ZFPM2: variants seen among roughly 807,000 people sequenced by gnomAD.
ZFPM2 encodes zinc finger protein, FOG family member 2, also known as zinc finger protein ZFPM2.
ZFPM2 carries 20 observed loss-of-function variants against 98.6 expected under a neutral mutation model. The observed-to-expected ratio is 0.20, with a 90% CI of 0.14 to 0.29. The LOEUF (loss-of-function observed/expected upper bound fraction) is 0.29, where lower values mean the gene tolerates loss of function less well. Ranked by LOEUF, ZFPM2 falls within the 10% of genes least tolerant of loss-of-function variation. The probability of loss-of-function intolerance (pLI) is 1.00; values close to 1 mark genes in which losing one functional copy is unlikely to be tolerated. For missense variants in ZFPM2, 1,310 were observed against 1,388.6 expected, an observed-to-expected ratio of 0.94 and a Z score of 0.90; for synonymous variants, 518 against 502.7, an observed-to-expected ratio of 1.03 and a Z score of -0.41.
At chr8:105,730,182 A>G (rs1811898192) in intron 5 of ZFPM2, among the ~76,000 whole-genome samples, 1 of 151,694 alleles carries the variant, frequency 6.6e-6, no homozygotes, top group South Asian at 2.1e-4. Context: ...GTTCTTTGTC[A>G]TCCTCCACAG....
intron 1 of ZFPM2, among the ~76,000 whole-genome samples, chr8:105,368,729 G>T (rs1810557966): frequency 6.6e-6 from 1 of 151,932 alleles, no homozygotes; most frequent in African/African-American, 2.4e-5. Context: ...CCTTTTCCTG[G>T]TTTTTGCTCC....
chr8:105,542,381 T>A (rs961961021), intron 3 of ZFPM2, among the ~76,000 whole-genome samples: 4 of 152,314 alleles, frequency 2.6e-5, no homozygotes, highest in Non-Finnish European at 5.9e-5. Context: ...TAAATCGTTT[T>A]GGTTGGCTTT....
chr8:105,400,253 TTTTTA>T (rs1811311126), intron 1 of ZFPM2, among the ~76,000 whole-genome samples: 1 of 151,898 alleles, frequency 6.6e-6, no homozygotes, highest in Non-Finnish European at 1.5e-5. Flanking sequence ...TATTTTTTTA[TTTTTA>T]TTTATTTTAT....
At position 105,644,494 on chromosome 8, in the gene ZFPM2, GTC is replaced by G. The variant is rs370652025; in HGVS notation, c.532+10147_532+10148del. On this transcript the variant is annotated intron_variant, in intron 5 of 7. Coordinates refer to ENST00000407775, the MANE Select transcript of ZFPM2 (RefSeq NM_012082.4). ...CTAACTACCCTGTCTAAAATGCTCT[GTC>G]TCTCTCTCTTTCTGTTTTTCTCTCT... Among the ~76,000 whole-genome samples the G allele has an allele frequency of 1.4e-3, 211 of 151,238 alleles. 1 individual carries two copies. The highest frequency in any genetic ancestry group is 1.6e-3 in the East Asian group (8 of 5,122).
intron 4 of ZFPM2, among the ~76,000 whole-genome samples, chr8:105,603,400 T>G (rs1225205967): frequency 6.6e-6 from 1 of 152,104 alleles, no homozygotes; most frequent in Non-Finnish European, 1.5e-5. Flanking sequence ...TAATGTACAA[T>G]GAAAAATGGT....
chr8:105,638,070 A>G (rs1021938100), intron 5 of ZFPM2, among the ~76,000 whole-genome samples: 1 of 148,322 alleles, frequency 6.7e-6, no homozygotes, highest in African/African-American at 2.5e-5. Flanking sequence ...CTTTGTCCCC[A>G]AACTCTCTCT....
At chr8:105,420,203 AAATAT>A (rs1209664676) in intron 2 of ZFPM2, among the ~76,000 whole-genome samples, 3 of 152,292 alleles carry the variant, frequency 2.0e-5, no homozygotes, top group African/African-American at 7.2e-5. Context: ...TTATGCAGAT[AAATAT>A]AATAAAGTGG....
At chr8:105,705,053 G>C (rs182745704) in intron 5 of ZFPM2, among the ~76,000 whole-genome samples, 1 of 152,006 alleles carries the variant, frequency 6.6e-6, no homozygotes, top group Admixed American at 6.5e-5. Context: ...TATAATTAAG[G>C]GATTATGTTT....
chr8:105,677,944 A>C (rs1810507827), intron 5 of ZFPM2, among the ~76,000 whole-genome samples: 1 of 152,174 alleles, frequency 6.6e-6, no homozygotes, highest in African/African-American at 2.4e-5. Context: ...CCAATGTTGT[A>C]TATTGGAGCT....
intron 4 of ZFPM2, among the ~76,000 whole-genome samples, chr8:105,602,503 T>G (rs13267714): frequency 0.65 from 98,663 of 151,972 alleles, 32,771 homozygotes; most frequent in Middle Eastern, 0.81. Context: ...GATTGCATTA[T>G]CTTCAACCTG....
chr8:105,457,678 T>C (rs557293210), intron 3 of ZFPM2, among the ~76,000 whole-genome samples: 1 of 152,296 alleles, frequency 6.6e-6, no homozygotes, highest in Non-Finnish European at 1.5e-5. Flanking sequence ...TACTCATAGA[T>C]AGAAAATGGT....
At chr8:105,476,465 C>A (rs1813014394) in intron 3 of ZFPM2, among the ~76,000 whole-genome samples, 1 of 152,104 alleles carries the variant, frequency 6.6e-6, no homozygotes, top group East Asian at 1.9e-4. Context: ...CCATCCCCAC[C>A]CCTCCCCAGG....
intron 6 of ZFPM2, among the ~76,000 whole-genome samples, chr8:105,791,907 G>A (rs1419648601): frequency 6.6e-6 from 1 of 152,126 alleles, no homozygotes; most frequent in Non-Finnish European, 1.5e-5. Flanking sequence ...TCTGATGGTA[G>A]TTTATATTTC....
chr8:105,331,353 G>C (rs1447437772), intron 1 of ZFPM2, among the ~76,000 whole-genome samples: 2 of 151,662 alleles, frequency 1.3e-5, no homozygotes, highest in Non-Finnish European at 1.5e-5. Flanking sequence ...GCAGTGGCTG[G>C]ACTGATGAGT....
intron 3 of ZFPM2, among the ~76,000 whole-genome samples, chr8:105,485,289 G>T (rs1334790920): frequency 6.6e-6 from 1 of 150,714 alleles, no homozygotes; most frequent in Non-Finnish European, 1.5e-5. Context: ...GTTACTGCTT[G>T]TTTTTTTTTG....
chr8:105,471,968 C>T (rs1040589988), intron 3 of ZFPM2, among the ~76,000 whole-genome samples: 2 of 152,026 alleles, frequency 1.3e-5, no homozygotes, highest in Non-Finnish European at 2.9e-5. Context: ...CCCAGTGTTT[C>T]AAAAAATGTG....
rs747513789 is a variant in ZFPM2, at chr8:105,803,174, C to G, written c.3092C>G (p.Ser1031Cys). ...GGGTGTGCTGCGCTGAAGAAAGATTCTCTGCCATTGTTGCCCAAAAATCGA... is the reference window on the plus strand; with the variant it reads ...GGGTGTGCTGCGCTGAAGAAAGATTGTCTGCCATTGTTGCCCAAAAATCGA... The part of the protein sequence containing the change: ...SNGCAALKKD[S>C]LPLLPKNRGM... Residue 1031 changes from serine to cysteine, a missense_variant, in exon 8 of 8, where the codon TCT becomes TGT. Physicochemically the swap from Ser to Cys is moderately radical, Grantham distance 112. Transcript: ENST00000407775. 5 of 1,613,758 alleles carry G rather than the reference C, an allele frequency of 3.1e-6. No homozygotes were observed. The highest frequency in any genetic ancestry group is 1.3e-5 in the African/African-American group (1 of 74,906).
At chr8:105,660,475 G>A (rs1052965590) in intron 5 of ZFPM2, among the ~76,000 whole-genome samples, 5 of 152,128 alleles carry the variant, frequency 3.3e-5, no homozygotes, top group Admixed American at 6.6e-5. Context: ...ATGGATTAAA[G>A]CAAGACAATA....
intron 3 of ZFPM2, among the ~76,000 whole-genome samples, chr8:105,519,732 C>T (rs1472393206): frequency 6.6e-6 from 1 of 151,874 alleles, no homozygotes; most frequent in African/African-American, 2.4e-5. Context: ...AATATAGGAA[C>T]ACTTGACTTC....
Sources: allele counts gnomAD v4.1 joint callset (sites outside exome capture counted in the v4.1 genomes callset), GRCh38; gene constraint gnomAD v4.1.1; transcripts MANE v1.5; gene names NCBI Gene and HGNC (gene_info 2026-07-23, HGNC 2026-07-21).